Variants in CTNNA2 observed in about 807,000 individuals in gnomAD.
CTNNA2 encodes the protein catenin alpha-2.
CTNNA2 carries 42 observed loss-of-function variants against 101.0 expected under a neutral mutation model. The observed-to-expected ratio is 0.42, with a 90% CI of 0.32 to 0.54. The LOEUF (loss-of-function observed/expected upper bound fraction) is 0.54. Among genes scored for constraint, CTNNA2 ranks in the 20% least tolerant of loss-of-function variants. The pLI is 0.14. For synonymous variants in CTNNA2, 450 were observed against 456.4 expected (o/e 0.99, Z 0.18); for missense variants, 871 against 1,223.1 (o/e 0.71, Z 4.29).
At chr2:79,278,343 G>A (rs1573017140) in intron 2 of CTNNA2, among the ~76,000 whole-genome samples, 1 of 152,046 alleles carries the variant, frequency 6.6e-6, no homozygotes, top group Non-Finnish European at 1.5e-5. Flanking sequence ...GGAGAGACGG[G>A]GAAGAAGGAG....
At chr2:79,333,052 T>G (rs967652251) in intron 3 of CTNNA2, among the ~76,000 whole-genome samples, 1 of 152,116 alleles carries the variant, frequency 6.6e-6, no homozygotes, top group Non-Finnish European at 1.5e-5. Flanking sequence ...AGAATAACTA[T>G]CAGAATTTTG....
At chr2:79,925,898 C>G (rs1479848065) in intron 7 of CTNNA2, among the ~76,000 whole-genome samples, 1 of 151,244 alleles carries the variant, frequency 6.6e-6, no homozygotes, top group Non-Finnish European at 1.5e-5. Context: ...TCTGAAATAC[C>G]CAGATAATTG....
chr2:79,827,268 C>G (rs1678521745), intron 3 of CTNNA2, among the ~76,000 whole-genome samples: 1 of 152,090 alleles, frequency 6.6e-6, no homozygotes, highest in Admixed American at 6.5e-5. Context: ...AAACTCCTGA[C>G]CTCAGGTGAT....
chr2:80,606,931 G>T (rs1351163193), intron 16 of CTNNA2, among the ~76,000 whole-genome samples: 1 of 151,926 alleles, frequency 6.6e-6, no homozygotes, highest in South Asian at 2.1e-4. Flanking sequence ...TGGGTCCCTG[G>T]AGTAGGATAA....
chr2:80,644,408 C>T (rs1263344693), intron 18 of CTNNA2, among the ~76,000 whole-genome samples: 1 of 152,110 alleles, frequency 6.6e-6, no homozygotes, highest in Non-Finnish European at 1.5e-5. Flanking sequence ...AAAGAGAATG[C>T]AACTATGTTA....
At chr2:80,097,850 G>A (rs1261510101) in intron 7 of CTNNA2, among the ~76,000 whole-genome samples, 10 of 152,132 alleles carry the variant, frequency 6.6e-5, no homozygotes, top group Admixed American at 6.5e-4. Context: ...ATGGTTTTCA[G>A]CTCCATCAGG....
intron 2 of CTNNA2, among the ~76,000 whole-genome samples, chr2:79,721,176 C>T (rs1473956187): frequency 6.6e-6 from 1 of 151,892 alleles, no homozygotes; most frequent in African/African-American, 2.4e-5. Context: ...GACTTCTGCT[C>T]TGCATATGTC....
intron 4 of CTNNA2, among the ~76,000 whole-genome samples, chr2:79,410,250 G>C (rs370408061): frequency 7.0e-6 from 1 of 143,812 alleles, no homozygotes; most frequent in African/African-American, 2.6e-5. Context: ...TCTGCAAACA[G>C]GGACAATTTG....
chr2:79,847,374 C>T (rs1680311196), intron 3 of CTNNA2, among the ~76,000 whole-genome samples: 1 of 151,654 alleles, frequency 6.6e-6, no homozygotes. Context: ...GAAACCCTGT[C>T]TCTACTAAAA....
intron 2 of CTNNA2, among the ~76,000 whole-genome samples, chr2:79,287,989 A>G (rs1675665936): frequency 6.6e-6 from 1 of 152,220 alleles, no homozygotes; most frequent in African/African-American, 2.4e-5. Flanking sequence ...GCGCAGTATC[A>G]GGTGGGAGTG....
In CTNNA2 at chr2:80,303,224, C is replaced by G. The variant is rs1370263901; in HGVS notation, c.1057-89987C>G. On this transcript the variant is annotated intron_variant, in intron 7 of 18. Transcript: ENST00000402739. This position sits in a 1 kb window ranked among gnomAD's most constrained non-coding sequence, Gnocchi z 7.7. Reference sequence around the variant, plus strand: ...GCCGGCGAAAGAGTTGCGCGCCAGACTCTTGAGCTGATTGTATCCGATGTC... The same window carrying G: ...GCCGGCGAAAGAGTTGCGCGCCAGAGTCTTGAGCTGATTGTATCCGATGTC... The G allele has an allele frequency of 2.5e-6, 4 of 1,613,760 alleles. No individual in the cohort carries two copies. Among genetic ancestry groups the G allele is most frequent in the Non-Finnish European group, 3.4e-6 (4 of 1,179,970 alleles).
At chr2:79,580,548 ACTT>A (rs994234206) in intron 1 of CTNNA2, among the ~76,000 whole-genome samples, 8 of 152,206 alleles carry the variant, frequency 5.3e-5, no homozygotes, top group African/African-American at 1.9e-4. Context: ...CCCACGCTGG[ACTT>A]CTTCTGACCT....
chr2:80,087,380 T>C (rs1699508228), intron 7 of CTNNA2, among the ~76,000 whole-genome samples: 1 of 152,044 alleles, frequency 6.6e-6, no homozygotes. Flanking sequence ...TATATGTCTG[T>C]TTCCATTAAG....
At chr2:80,079,873 AAAATAAAATAATAAAATAAAAT>A in intron 7 of CTNNA2, among the ~76,000 whole-genome samples, 1 of 145,930 alleles carries the variant, frequency 6.9e-6, no homozygotes, top group South Asian at 2.1e-4. Flanking sequence ...AAAATAAAAT[AAAATAAAATAATAAAATAAAAT>A]AAATAAAATA....
At chr2:79,786,349 T>A (rs1674846080) in intron 3 of CTNNA2, among the ~76,000 whole-genome samples, 1 of 152,108 alleles carries the variant, frequency 6.6e-6, no homozygotes, top group South Asian at 2.1e-4. Flanking sequence ...AATTTTCCAA[T>A]AGAAAATGAC....
intron 9 of CTNNA2, among the ~76,000 whole-genome samples, chr2:80,483,122 T>G (rs1485629793): frequency 6.6e-6 from 1 of 152,188 alleles, no homozygotes; most frequent in East Asian, 1.9e-4. Flanking sequence ...TATTAGTGTC[T>G]CTGAGAGAGT....
chr2:79,754,116 C>T (rs932004708), intron 3 of CTNNA2, among the ~76,000 whole-genome samples: 1 of 152,106 alleles, frequency 6.6e-6, no homozygotes, highest in African/African-American at 2.4e-5. Context: ...ATCTGCCCAC[C>T]TAGGCCTCCC....
At chr2:79,812,633 A>G (rs1677141401) in intron 3 of CTNNA2, among the ~76,000 whole-genome samples, 1 of 152,164 alleles carries the variant, frequency 6.6e-6, no homozygotes, top group South Asian at 2.1e-4. Context: ...CTTCACATGC[A>G]TCTTCGGCTG....
intron 3 of CTNNA2, among the ~76,000 whole-genome samples, chr2:79,830,616 C>T (rs1678857121): frequency 6.6e-6 from 1 of 152,140 alleles, no homozygotes; most frequent in South Asian, 2.1e-4. Context: ...GTGATCCACC[C>T]CAGGAAGATA....
Sources: gnomAD v4.1 joint callset for allele counts (sites outside exome capture counted in the v4.1 genomes callset) on GRCh38, gnomAD v4.1.1 for gene constraint, Gnocchi (gnomAD v3.1) non-coding constraint, MANE v1.5 for transcripts, NCBI Gene and HGNC (gene_info 2026-07-23, HGNC 2026-07-21) for gene names.